The following LPA variants were observed in gnomAD, a reference collection of about 807,000 sequenced individuals.
LPA encodes the protein apolipoprotein(a).
In LPA, 199 loss-of-function variants were observed where a neutral mutation model predicts 197.9. The ratio of observed to expected loss-of-function variants is 1.01; its 90% confidence interval spans 0.90 to 1.13. LPA has a LOEUF of 1.13. Among genes scored for constraint, LPA ranks in the 50% most tolerant of loss-of-function variants. The pLI is 0.00. For synonymous variants in LPA, 715 were observed against 639.5 expected, an observed-to-expected ratio of 1.12 and a Z score of -1.78; for missense variants, 1,853 against 1,785.8, an observed-to-expected ratio of 1.04 and a Z score of -0.68.
intron 1 of LPA, 90 bp from the exon 2 acceptor site, chr6:160,650,587 C>T: frequency 7.6e-7 from 1 of 1,311,922 alleles, no homozygotes; most frequent in Non-Finnish European, 1.1e-6. Context: ...GAAAAAGTCT[C>T]TGAGAATTAC....
At chr6:160,555,304 T>TGA in intron 30 of LPA, among the ~76,000 whole-genome samples, 1 of 135,326 alleles carries the variant, frequency 7.4e-6, no homozygotes, top group Non-Finnish European at 1.6e-5. Context: ...AGTGTGTGTG[T>TGA]GTGTGTGTGT....
At chr6:160,603,162 G>T (rs1049601057) in intron 18 of LPA, among the ~76,000 whole-genome samples, 1 of 151,362 alleles carries the variant, frequency 6.6e-6, no homozygotes, top group Non-Finnish European at 1.5e-5. Context: ...CTACCCACAT[G>T]CAGGAAATCT....
At position 160,547,909 on chromosome 6, in the gene LPA, G is replaced by A. The variant is rs1388619291; in HGVS notation, c.5184C>T (p.Tyr1728=). The part of the protein sequence containing the change: ...QDCMFGNGKG[Y]RGKKATTVTG... The stretch of plus-strand genomic sequence containing the variant: ...TAACAGTGGTTGCCTTCTTGCCCCG[G>A]TATCCTTTCCCATTCCCAAACATAC... Residue 1728 remains tyrosine (Y), a synonymous_variant, in exon 32 of 39, where the codon TAC becomes TAT. Coordinates refer to ENST00000316300, the MANE Select transcript of LPA (RefSeq NM_005577.4). 3.7e-6 allele frequency: 6 copies of A among 1,613,790 alleles called. No individual in the cohort carries two copies. The highest frequency in any genetic ancestry group is 5.1e-6 in the Non-Finnish European group (6 of 1,180,000).
intron 7 of LPA, among the ~76,000 whole-genome samples, chr6:160,634,138 AT>A (rs1352480897): frequency 8.9e-6 from 1 of 112,226 alleles, no homozygotes; most frequent in African/African-American, 3.8e-5. Context: ...TTCACCTGAA[AT>A]CCTTAGAAAA....
At chr6:160,548,094 A>G (rs917031953) in intron 31 of LPA, among the ~76,000 whole-genome samples, 157 bp from the exon 32 acceptor site, 1 of 152,214 alleles carries the variant, frequency 6.6e-6, no homozygotes, top group Non-Finnish European at 1.5e-5. Context: ...GAAGACTGCA[A>G]TGAACACTAT....
At chr6:160,567,980 C>A (rs951815224) in intron 28 of LPA, among the ~76,000 whole-genome samples, 6 of 152,090 alleles carry the variant, frequency 3.9e-5, no homozygotes, top group Non-Finnish European at 8.8e-5. Flanking sequence ...CAATAACAGG[C>A]TCTGAAATTG....
intron 23 of LPA, 109 bp downstream of exon 23, chr6:160,590,835 C>A (rs1200667311): frequency 6.9e-7 from 1 of 1,451,860 alleles, no homozygotes; most frequent in African/African-American, 1.4e-5. Flanking sequence ...GACCCTGAGT[C>A]CACATTCAGA....
At chr6:160,557,667 G>A in intron 28 of LPA, 96 bp from the exon 29 acceptor site, 1 of 1,107,352 alleles carries the variant, frequency 9.0e-7, no homozygotes, top group Admixed American at 1.8e-5. Context: ...GTGTTAAAAA[G>A]TGACGTTGTA....
chr6:160,550,768 C>T (rs1357262746), intron 30 of LPA, among the ~76,000 whole-genome samples: 1 of 152,206 alleles, frequency 6.6e-6, no homozygotes, highest in Non-Finnish European at 1.5e-5. Context: ...TGGAACCTTA[C>T]ATCAATAGAC....
chr6:160,650,602 A>G, intron 1 of LPA, 105 bp from the exon 2 acceptor site: 1 of 1,122,230 alleles, frequency 8.9e-7, no homozygotes, highest in Non-Finnish European at 1.4e-6. Flanking sequence ...AATTACGACC[A>G]TTCTCTTCTC....
chr6:160,654,724 T>C (rs549917630), intron 1 of LPA, among the ~76,000 whole-genome samples: 23 of 152,318 alleles, frequency 1.5e-4, no homozygotes, highest in Non-Finnish European at 3.2e-4. Context: ...TAAATGCTGA[T>C]GTGAAGTCCA....
At chr6:160,561,248 G>A (rs946260471) in intron 28 of LPA, among the ~76,000 whole-genome samples, 2 of 152,146 alleles carry the variant, frequency 1.3e-5, no homozygotes, top group African/African-American at 4.8e-5. Context: ...TGTGTATAAG[G>A]TGTAAGGAAG....
chr6:160,557,182 G>C (rs1778278106), intron 29 of LPA, among the ~76,000 whole-genome samples: 1 of 151,904 alleles, frequency 6.6e-6, no homozygotes, highest in African/African-American at 2.4e-5. Context: ...TAAGTCAAGT[G>C]CCCAGGTGGG....
At chr6:160,558,201 G>C (rs1407066224) in intron 28 of LPA, among the ~76,000 whole-genome samples, 1 of 152,120 alleles carries the variant, frequency 6.6e-6, no homozygotes, top group Non-Finnish European at 1.5e-5. Flanking sequence ...TTACAGGTGT[G>C]AGCCACTGCG....
At chr6:160,593,007 G>T (rs1176108826) in intron 22 of LPA, among the ~76,000 whole-genome samples, 1 of 152,122 alleles carries the variant, frequency 6.6e-6, no homozygotes, top group Non-Finnish European at 1.5e-5. Flanking sequence ...CTCTCCTTGT[G>T]CATACGCAGC....
At position 160,589,577 on chromosome 6, in the gene LPA, C is replaced by T. The variant is rs965453034; in HGVS notation, c.3923G>A (p.Arg1308Lys). ...CCCATTTGGGTAGTATTCTGTGGTT[C>T]TCTGATGCCAGTGTGGTGTCATAGA... ...WSSMTPHWHQ[R>K]TTEYYPNGGL... The change falls in exon 24 of 39, where the codon AGA becomes AAA. Residue 1308 changes from arginine (R) to lysine (K), a missense_variant. By Grantham distance (26) the Arg-to-Lys change is conservative. Coordinates refer to ENST00000316300, the MANE Select transcript of LPA (RefSeq NM_005577.4). 1.2e-6 allele frequency: 2 copies of T among 1,613,856 alleles called. No homozygotes were observed. The highest frequency in any genetic ancestry group is 1.7e-5 in the Admixed American group (1 of 60,012).
chr6:160,606,208 A>G (rs1268484522), intron 17 of LPA, among the ~76,000 whole-genome samples: 2 of 152,114 alleles, frequency 1.3e-5, no homozygotes, highest in Non-Finnish European at 2.9e-5. Flanking sequence ...TAAGACACTG[A>G]GATAGCCCAT....
At chr6:160,552,477 A>G (rs1164097564) in intron 30 of LPA, among the ~76,000 whole-genome samples, 2 of 152,152 alleles carry the variant, frequency 1.3e-5, no homozygotes, top group African/African-American at 4.8e-5. Flanking sequence ...ATCACTAAAT[A>G]TTTTTTGGTT....
chr6:160,641,051 C>A (rs565807478), intron 4 of LPA, among the ~76,000 whole-genome samples: 1 of 139,572 alleles, frequency 7.2e-6, no homozygotes, highest in Non-Finnish European at 1.6e-5. Context: ...TAGATTATTA[C>A]TATTTTTTTA....
Sources: allele counts gnomAD v4.1 joint callset (sites outside exome capture counted in the v4.1 genomes callset), GRCh38; gene constraint gnomAD v4.1.1; transcripts MANE v1.5; gene names NCBI Gene and HGNC (gene_info 2026-07-23, HGNC 2026-07-21).